The following PDGFRA variants were observed in gnomAD, a reference collection of about 807,000 sequenced individuals.
The protein encoded by PDGFRA is platelet-derived growth factor receptor alpha.
Under a neutral mutation model 121.5 loss-of-function variants are expected in PDGFRA, and 25 were observed. The ratio of observed to expected loss-of-function variants is 0.21; its 90% CI spans 0.15 to 0.29. PDGFRA has a LOEUF of 0.29. Among genes scored for constraint, PDGFRA ranks in the 10% least tolerant of loss-of-function variants. PDGFRA has a pLI of 1.00. For synonymous variants in PDGFRA, 463 were observed against 494.8 expected, an observed-to-expected ratio of 0.94 and a Z score of 0.85; for missense variants, 1,008 against 1,345.1, an observed-to-expected ratio of 0.75 and a Z score of 3.92.
chr4:54,283,133 C>T (rs1444240195), intron 16 of PDGFRA, among the ~76,000 whole-genome samples: 1 of 152,156 alleles, frequency 6.6e-6, no homozygotes, highest in Non-Finnish European at 1.5e-5. Flanking sequence ...GATGGTGGCC[C>T]TCCCCTCGTA....
rs531328990 is a variant in PDGFRA at position 54,248,832 on chromosome 4, A to G, written c.-12-9925A>G. ...CAACCTACTCATCTGACAAAGGGCT[A>G]ATATCCAGACTCTACAATGAACTTT... On this transcript the variant is annotated intron_variant, in intron 1 of 22. Transcript: ENST00000257290. Among the ~76,000 whole-genome samples, 159 of 152,322 alleles carry G rather than the reference A, an allele frequency of 1.0e-3. 1 individual carries two copies. Among genetic ancestry groups the G allele is most frequent in the African/African-American group, 3.7e-3 (152 of 41,568 alleles).
chr4:54,274,711 G>A (rs2110297910), intron 11 of PDGFRA, 86 bp downstream of exon 11: 3 of 1,432,484 alleles, frequency 2.1e-6, no homozygotes, highest in Non-Finnish European at 3.0e-6. Context: ...CACAGAGAAG[G>A]AGCTCAGCAA....
intron 1 of PDGFRA, among the ~76,000 whole-genome samples, chr4:54,230,167 C>T (rs992174825): frequency 2.0e-5 from 3 of 151,786 alleles, no homozygotes; most frequent in Non-Finnish European, 4.4e-5. Context: ...GGCGCGCGGG[C>T]GTGGGCAAGG....
intron 1 of PDGFRA, among the ~76,000 whole-genome samples, chr4:54,255,431 G>C (rs1459898643): frequency 6.6e-6 from 1 of 151,826 alleles, no homozygotes; most frequent in Non-Finnish European, 1.5e-5. Context: ...TTATCTACTG[G>C]ATCCTGTTTA....
chr4:54,229,960 AGGGGAGCGT>A, intron 1 of PDGFRA: 1 of 27,602 alleles, frequency 3.6e-5, no homozygotes, highest in Non-Finnish European at 7.0e-5. Context: ...GGGAGCGTGG[AGGGGAGCGT>A]GGAGGGGGGC....
intron 2 of PDGFRA, among the ~76,000 whole-genome samples, chr4:54,259,778 G>C (rs551061721): frequency 7.2e-5 from 11 of 152,260 alleles, no homozygotes; most frequent in African/African-American, 2.4e-4. Flanking sequence ...ACAAGCTTTA[G>C]GAATTATAGT....
At chr4:54,245,763 A>G (rs1721614085) in intron 1 of PDGFRA, among the ~76,000 whole-genome samples, 1 of 152,210 alleles carries the variant, frequency 6.6e-6, no homozygotes, top group Admixed American at 6.5e-5. Flanking sequence ...AAAGACACAG[A>G]CTGGCAAATT....
chr4:54,261,931 A>ATTTTTT (rs34880395), intron 3 of PDGFRA, among the ~76,000 whole-genome samples: 93 of 58,406 alleles, frequency 1.6e-3, no homozygotes, highest in Middle Eastern at 8.8e-3. Context: ...ATATATATAT[A>ATTTTTT]TTTTTTTTTT....
intron 1 of PDGFRA, among the ~76,000 whole-genome samples, chr4:54,247,469 C>T (rs889575587): frequency 1.3e-5 from 2 of 152,054 alleles, no homozygotes; most frequent in African/African-American, 4.8e-5. Context: ...AGACAAAAAC[C>T]ACATGATTAT....
At chr4:54,276,254 C>T (rs1723716578) in intron 12 of PDGFRA, among the ~76,000 whole-genome samples, 1 of 151,962 alleles carries the variant, frequency 6.6e-6, no homozygotes, top group African/African-American at 2.4e-5. Flanking sequence ...TTAAAAACCC[C>T]ATTCCCCCAG....
intron 1 of PDGFRA, among the ~76,000 whole-genome samples, chr4:54,249,828 A>ATAT (rs961827908): frequency 8.6e-5 from 13 of 151,916 alleles, no homozygotes; most frequent in Admixed American, 3.3e-4. Flanking sequence ...AGTTAAAGGG[A>ATAT]TATTATTATT....
intron 1 of PDGFRA, among the ~76,000 whole-genome samples, chr4:54,233,536 G>A (rs1017706360): frequency 1.3e-5 from 2 of 152,204 alleles, no homozygotes; most frequent in Admixed American, 6.5e-5. Flanking sequence ...CTATCTCAGT[G>A]GAGCGCAGCG....
intron 19 of PDGFRA, 128 bp downstream of exon 19, chr4:54,287,669 C>T (rs896396329): frequency 2.2e-5 from 16 of 717,528 alleles, no homozygotes; most frequent in Admixed American, 9.9e-5. Context: ...ATGCTGCAGC[C>T]ACCTCAAACC....
At chr4:54,250,693 C>T (rs563679073) in intron 1 of PDGFRA, among the ~76,000 whole-genome samples, 137 of 152,288 alleles carry the variant, frequency 9.0e-4, no homozygotes, top group African/African-American at 3.3e-3. Flanking sequence ...TTGTTTTAAT[C>T]CTTTTCAAAA....
At chr4:54,233,277 G>T (rs1198745756) in intron 1 of PDGFRA, among the ~76,000 whole-genome samples, 1 of 152,220 alleles carries the variant, frequency 6.6e-6, no homozygotes, top group Non-Finnish European at 1.5e-5. Context: ...GGGAGGGAGA[G>T]CGGACCGCGC....
Position 54,273,563 on chromosome 4 carries a change from T to C in PDGFRA, c.1391T>C (p.Ile464Thr). ...KKCNNETSWTILANNVSNIIT... is the reference protein window; with the variant it reads ...KKCNNETSWTTLANNVSNIIT... ...TGTAATAATGAAACTTCCTGGACTA[T>C]TTTGGCCAACAATGTCTCAAACATC... The change falls in exon 10 of 23, where the codon ATT becomes ACT. Residue 464 changes from isoleucine (I) to threonine (T), a missense_variant. Ile to Thr is a moderately conservative substitution (Grantham distance 89). Coordinates refer to ENST00000257290, the MANE Select transcript of PDGFRA (RefSeq NM_006206.6). The C allele has an allele frequency of 6.2e-7, 1 of 1,614,058 alleles. No individual in the cohort carries two copies. The highest frequency in any genetic ancestry group is 1.1e-5 in the South Asian group (1 of 91,072).
chr4:54,266,609 T>C (rs148913531), intron 5 of PDGFRA, among the ~76,000 whole-genome samples: 7 of 152,322 alleles, frequency 4.6e-5, no homozygotes, highest in African/African-American at 1.7e-4. Context: ...TAGGTGTTAT[T>C]CTTTAAATGG....
chr4:54,268,085 A>C (rs1423294975), intron 7 of PDGFRA, among the ~76,000 whole-genome samples: 1 of 152,204 alleles, frequency 6.6e-6, no homozygotes, highest in Admixed American at 6.5e-5. Context: ...TCCATATCGC[A>C]AGTAGACAGA....
At chr4:54,246,356 T>G (rs573420732) in intron 1 of PDGFRA, among the ~76,000 whole-genome samples, 1 of 152,148 alleles carries the variant, frequency 6.6e-6, no homozygotes, top group Non-Finnish European at 1.5e-5. Context: ...ACAGAAATTA[T>G]AACAAACTGT....
Sources: allele counts gnomAD v4.1 joint callset (sites outside exome capture counted in the v4.1 genomes callset), GRCh38; gene constraint gnomAD v4.1.1; transcripts MANE v1.5; gene names NCBI Gene and HGNC (gene_info 2026-07-23, HGNC 2026-07-21).